Variants in TOMM70 observed in about 807,000 individuals in gnomAD.
TOMM70 encodes the protein translocase of outer mitochondrial membrane 70.
Under a neutral mutation model 73.6 loss-of-function variants are expected in TOMM70, and 13 were observed. The ratio of observed to expected loss-of-function variants is 0.18; its 90% CI spans 0.11 to 0.28. TOMM70 has a LOEUF of 0.28. TOMM70 is among the 10% of genes least tolerant of loss of function. The probability of loss-of-function intolerance (pLI) is 1.00; values close to 1 mark genes in which losing one functional copy is unlikely to be tolerated. For synonymous variants in TOMM70, 257 were observed against 271.2 expected (o/e 0.95, Z 0.51); for missense variants, 609 against 747.5 (o/e 0.81, Z 2.16).
intron 10 of TOMM70, 145 bp from the exon 11 acceptor site, chr3:100,368,311 GTGTTTTT>G: frequency 1.9e-6 from 2 of 1,037,664 alleles, no homozygotes; most frequent in East Asian, 6.0e-5. Context: ...GCATCAAATT[GTGTTTTT>G]TTTCTCAGCT....
In TOMM70 at chr3:100,400,759, C is replaced by G. The variant is rs752602065; in HGVS notation, c.191G>C (p.Arg64Pro). ...GCCCCGGCCTCTGGCCTCCCGGCGC[C>G]GTTGCTGCCGACTCCACAGGTATAT... ...GAIYLWSRQQ[R>P]RREARGRGDA... The change falls in exon 1 of 12, where the codon CGG becomes CCG. Residue 64 changes from arginine (R) to proline (P), a missense_variant. Around this residue, in one of 2 missense-constraint regions of TOMM70, gnomAD observed 177 missense variants for 163.5 expected, o/e 1.08. Coordinates refer to ENST00000284320, the MANE Select transcript of TOMM70 (RefSeq NM_014820.5). 2 of 1,589,954 alleles carry G rather than the reference C, an allele frequency of 1.3e-6. No individual in the cohort carries two copies. Among genetic ancestry groups the G allele is most frequent in the Non-Finnish European group, 1.7e-6 (2 of 1,171,932 alleles).
chr3:100,373,485 C>T (rs749581928), intron 8 of TOMM70, 53 bp downstream of exon 8: 36 of 1,409,754 alleles, frequency 2.6e-5, no homozygotes, highest in Middle Eastern at 1.8e-4. Flanking sequence ...TTTTTGTTGA[C>T]GCTGGAAAAT....
intron 8 of TOMM70, 146 bp downstream of exon 8, chr3:100,373,392 G>A: frequency 1.8e-6 from 1 of 569,900 alleles, no homozygotes; most frequent in South Asian, 2.4e-5. Context: ...CAAGAGCTAG[G>A]TATCAATCAG....
chr3:100,379,006 CAAATAAATAAATAAAT>C (rs145132790), intron 5 of TOMM70, among the ~76,000 whole-genome samples: 1 of 148,752 alleles, frequency 6.7e-6, no homozygotes, highest in South Asian at 2.1e-4. Flanking sequence ...GACTCCGTCT[CAAATAAATAAATAAAT>C]AAATAAATAA....
rs1465639503 is a variant in TOMM70, at chr3:100,365,464, T to C, written c.*100A>G. On this transcript the variant is annotated 3_prime_UTR_variant, in exon 12 of 12. Transcript: ENST00000284320. ...ATAACAACACCACAAACAGAAATACTGATTTCCACCATTCAACACAGTTCA... is the reference window on the plus strand; with the variant it reads ...ATAACAACACCACAAACAGAAATACCGATTTCCACCATTCAACACAGTTCA... 3 of 1,480,956 alleles carry C rather than the reference T, an allele frequency of 2.0e-6. No individual in the cohort carries two copies. Among genetic ancestry groups the C allele is most frequent in the East Asian group, 2.3e-5 (1 of 43,708 alleles). 91.7% of individuals were successfully genotyped at this position (1,480,956 alleles called of 1,614,324 possible).
In TOMM70 at chr3:100,396,259, C is replaced by T. The variant is rs78834601; in HGVS notation, c.324+4367G>A. Among the ~76,000 whole-genome samples the T allele has an allele frequency of 6.8e-3, 1,038 of 152,190 alleles. 37 individuals are homozygous for T. The highest frequency in any genetic ancestry group is 0.051 in the Admixed American group (783 of 15,288). ...GACCAATAACAACAGTTTATGCAGT[C>T]CTCGACCCTTTACTAAAATGTGTAG... On this transcript the variant is annotated intron_variant, in intron 1 of 11. Coordinates refer to ENST00000284320, the MANE Select transcript of TOMM70 (RefSeq NM_014820.5).
chr3:100,394,365 C>CTTTTTTTTTCTTTTT (rs1706797128), intron 1 of TOMM70, among the ~76,000 whole-genome samples: 1 of 131,392 alleles, frequency 7.6e-6, no homozygotes, highest in African/African-American at 2.9e-5. Flanking sequence ...GTTACTTTTT[C>CTTTTTTTTTCTTTTT]TTTTTTTTTT....
At chr3:100,396,221 T>A (rs76612851) in intron 1 of TOMM70, among the ~76,000 whole-genome samples, 22,390 of 152,042 alleles carry the variant, frequency 0.15, 3,039 homozygotes, top group East Asian at 0.49. Flanking sequence ...AATGACTTCA[T>A]TTCAAACAAG....
intron 2 of TOMM70, 103 bp downstream of exon 2, chr3:100,386,699 AAAC>A: frequency 7.4e-7 from 1 of 1,360,496 alleles, no homozygotes; most frequent in Non-Finnish European, 1.0e-6. Context: ...CATAATTTTG[AAAC>A]AACTTCAAAA....
chr3:100,399,154 C>T (rs1426617384), intron 1 of TOMM70, among the ~76,000 whole-genome samples: 2 of 151,808 alleles, frequency 1.3e-5, no homozygotes, highest in South Asian at 2.1e-4. Context: ...TGGTGGCGCG[C>T]GCCTGTAGTC....
chr3:100,379,405 C>T (rs571733714), intron 5 of TOMM70, among the ~76,000 whole-genome samples: 2 of 152,144 alleles, frequency 1.3e-5, no homozygotes, highest in Admixed American at 1.3e-4. Flanking sequence ...GGGAGGATCA[C>T]CTGGGCCCAG....
rs79339148 is a variant in TOMM70, at chr3:100,393,450, G to C, written c.325-6472C>G. Among the ~76,000 whole-genome samples, 509 of 151,492 alleles carry C rather than the reference G, an allele frequency of 3.4e-3. 4 individuals carry two copies. Among genetic ancestry groups the C allele is most frequent in the Middle Eastern group, 0.014 (4 of 292 alleles). On this transcript the variant is annotated intron_variant, in intron 1 of 11. Coordinates refer to ENST00000284320, the MANE Select transcript of TOMM70 (RefSeq NM_014820.5). ...ACGGACTATGGAGACTCAGAGGAGG[G>C]GGGTGGCAGAGCATGTAAGTGATTA...
chr3:100,390,399 G>T (rs1175052288), intron 1 of TOMM70, among the ~76,000 whole-genome samples: 2 of 152,204 alleles, frequency 1.3e-5, no homozygotes, highest in African/African-American at 4.8e-5. Context: ...TACAATGGTG[G>T]TCCCATAAGA....
intron 7 of TOMM70, among the ~76,000 whole-genome samples, chr3:100,374,458 C>T (rs1422711418): frequency 6.6e-6 from 1 of 152,186 alleles, no homozygotes; most frequent in East Asian, 1.9e-4. Context: ...GCATAGCTCA[C>T]ACTTTATACC....
At chr3:100,393,176 C>CA (rs534479540) in intron 1 of TOMM70, among the ~76,000 whole-genome samples, 2,215 of 88,134 alleles carry the variant, frequency 0.025, 23 homozygotes, top group African/African-American at 0.035. Flanking sequence ...AACTCTGTCT[C>CA]AAAAAAAAAA....
At chr3:100,389,042 C>G (rs1177646683) in intron 1 of TOMM70, among the ~76,000 whole-genome samples, 1 of 151,256 alleles carries the variant, frequency 6.6e-6, no homozygotes, top group African/African-American at 2.4e-5. Context: ...AAAAAAAAAT[C>G]TAAGGAATTG....
chr3:100,373,853 G>A, intron 7 of TOMM70: 1 of 409,026 alleles, frequency 2.4e-6, no homozygotes, highest in Non-Finnish European at 4.4e-6. Flanking sequence ...CTTATAGAAA[G>A]GACTACAAGC....
chr3:100,367,566 T>G (rs1706459083), intron 11 of TOMM70, among the ~76,000 whole-genome samples: 1 of 152,184 alleles, frequency 6.6e-6, no homozygotes, highest in Non-Finnish European at 1.5e-5. Context: ...ATTGAAATAG[T>G]ACTTAGGAAA....
rs768959639 is a variant in TOMM70 at position 100,384,549 on chromosome 3, T to C, written c.665A>G (p.Gln222Arg). ...AVCILEGFQN[Q>R]QSMLLADKVL... is the part of the protein sequence containing the mutation. ...TTTATCGGCTAACAGCATGCTTTGT[T>C]GATTTTGGAACCCTTCTAATATACA... The change falls in exon 4 of 12, where the codon CAA becomes CGA. Residue 222 changes from glutamine to arginine, a missense_variant. Transcript: ENST00000284320. 1.9e-6 allele frequency: 3 copies of C among 1,610,382 alleles called. No homozygotes were observed. The South Asian group carries it at 3.3e-5, about 18-fold the overall frequency.
Sources: gnomAD v4.1 joint callset for allele counts (sites outside exome capture counted in the v4.1 genomes callset) on GRCh38, gnomAD v4.1.1 for gene constraint, gnomAD v4.1.1 regional missense constraint, MANE v1.5 for transcripts, NCBI Gene and HGNC (gene_info 2026-07-23, HGNC 2026-07-21) for gene names.